The following EPHA6 variants were observed in gnomAD, a reference collection of about 807,000 sequenced individuals.
EPHA6 encodes EPH receptor A6.
EPHA6 carries 50 observed loss-of-function variants against 112.0 expected under a neutral mutation model. That is an observed-to-expected ratio of 0.45 (90% confidence interval 0.36 to 0.56). The LOEUF is 0.56. EPHA6 is among the 20% of genes least tolerant of loss of function. The pLI is 0.00. For missense variants in EPHA6, 1,280 were observed against 1,417.4 expected, an observed-to-expected ratio of 0.90 and a Z score of 1.56; for synonymous variants, 529 against 490.7, an observed-to-expected ratio of 1.08 and a Z score of -1.03.
chr3:97,539,740 T>C (rs1054206771), intron 11 of EPHA6, among the ~76,000 whole-genome samples: 3 of 152,214 alleles, frequency 2.0e-5, no homozygotes, highest in Non-Finnish European at 2.9e-5. Context: ...GATTGTGGTA[T>C]CTATAACACT....
chr3:97,339,569 T>G (rs1315566245), intron 5 of EPHA6, among the ~76,000 whole-genome samples: 1 of 152,210 alleles, frequency 6.6e-6, no homozygotes, highest in African/African-American at 2.4e-5. Context: ...CCACTTACTA[T>G]TTTGATCACC....
chr3:96,860,571 A>G (rs1484674398), intron 1 of EPHA6, among the ~76,000 whole-genome samples: 2 of 152,130 alleles, frequency 1.3e-5, no homozygotes, highest in Non-Finnish European at 2.9e-5. Context: ...AAATGTCCAA[A>G]GCCCATAAAA....
At chr3:96,852,602 CAA>C (rs562944142) in intron 1 of EPHA6, among the ~76,000 whole-genome samples, 164 of 106,066 alleles carry the variant, frequency 1.5e-3, no homozygotes, top group Middle Eastern at 9.2e-3. Context: ...GTATCTTATC[CAA>C]AAAAAAAAAA....
intron 6 of EPHA6, among the ~76,000 whole-genome samples, chr3:97,445,725 A>C (rs1293258036): frequency 6.6e-6 from 1 of 151,944 alleles, no homozygotes; most frequent in Non-Finnish European, 1.5e-5. Context: ...GAGGGGAAAA[A>C]GCCAAAAATG....
intron 5 of EPHA6, among the ~76,000 whole-genome samples, chr3:97,329,044 C>A (rs1310431741): frequency 6.6e-6 from 1 of 152,054 alleles, no homozygotes; most frequent in Non-Finnish European, 1.5e-5. Context: ...TCAACTCCCA[C>A]CTATGAGTGA....
At chr3:97,702,745 C>A (rs761093804) in intron 14 of EPHA6, among the ~76,000 whole-genome samples, 2 of 152,088 alleles carry the variant, frequency 1.3e-5, no homozygotes, top group Non-Finnish European at 2.9e-5. Context: ...CCCATGGATT[C>A]ATTGAATCAC....
chr3:97,054,340 C>A (rs1309127137), intron 3 of EPHA6, among the ~76,000 whole-genome samples: 1 of 152,052 alleles, frequency 6.6e-6, no homozygotes, highest in Non-Finnish European at 1.5e-5. Flanking sequence ...CACCAGACTG[C>A]AATTCACAAA....
chr3:97,547,660 G>A (rs2092972520), intron 11 of EPHA6, among the ~76,000 whole-genome samples: 1 of 152,230 alleles, frequency 6.6e-6, no homozygotes, highest in Non-Finnish European at 1.5e-5. Context: ...GCCCCCAGAG[G>A]TGGAGCCTAC....
intron 2 of EPHA6, among the ~76,000 whole-genome samples, chr3:96,941,337 A>G (rs199707883): frequency 2.0e-5 from 3 of 151,642 alleles, no homozygotes; most frequent in South Asian, 4.2e-4. Flanking sequence ...TTCTCGCTTC[A>G]TTTCATTCAT....
chr3:97,635,055 A>G (rs902682956), intron 13 of EPHA6, among the ~76,000 whole-genome samples: 1 of 151,886 alleles, frequency 6.6e-6, no homozygotes, highest in African/African-American at 2.4e-5. Context: ...AGTTTTACCC[A>G]TCAGAGTTTT....
chr3:97,356,494 G>A (rs769524800), intron 5 of EPHA6, among the ~76,000 whole-genome samples: 1 of 152,084 alleles, frequency 6.6e-6, no homozygotes, highest in East Asian at 1.9e-4. Flanking sequence ...TTGGTATGTT[G>A]TATTTTGTTT....
intron 3 of EPHA6, among the ~76,000 whole-genome samples, chr3:97,042,741 T>C (rs1309964858): frequency 2.0e-5 from 3 of 152,126 alleles, no homozygotes; most frequent in Non-Finnish European, 1.5e-5. Flanking sequence ...AATCTCTCAC[T>C]AGGCTATGAG....
chr3:97,104,489 T>C (rs1213622292), intron 3 of EPHA6, among the ~76,000 whole-genome samples: 1 of 152,164 alleles, frequency 6.6e-6, no homozygotes, highest in Admixed American at 6.6e-5. Context: ...ATCCCAGGGA[T>C]GAAGCCTACT....
intron 5 of EPHA6, among the ~76,000 whole-genome samples, chr3:97,260,204 G>C (rs1220442622): frequency 6.6e-6 from 1 of 152,214 alleles, no homozygotes; most frequent in Non-Finnish European, 1.5e-5. Flanking sequence ...ACAATTCCTA[G>C]TGGAGCTTTA....
At chr3:97,652,737 T>C (rs1387124781) in intron 14 of EPHA6, among the ~76,000 whole-genome samples, 2 of 151,982 alleles carry the variant, frequency 1.3e-5, no homozygotes, top group Admixed American at 6.6e-5. Flanking sequence ...TATGGCCAAG[T>C]AGGAAGATCT....
chr3:96,969,973 T>A (rs1454158951), intron 2 of EPHA6, among the ~76,000 whole-genome samples: 1 of 152,054 alleles, frequency 6.6e-6, no homozygotes, highest in African/African-American at 2.4e-5. Context: ...ATAAGAATTA[T>A]CAATTCAAAA....
chr3:97,491,018 C>G (rs1194173936), intron 10 of EPHA6, among the ~76,000 whole-genome samples: 1 of 152,186 alleles, frequency 6.6e-6, no homozygotes, highest in Non-Finnish European at 1.5e-5. Context: ...GTGGGCATCT[C>G]CAACGTGGCA....
chr3:97,717,231 CA>C (rs748817650), intron 14 of EPHA6, among the ~76,000 whole-genome samples: 1,651 of 48,794 alleles, frequency 0.034, 23 homozygotes, highest in African/African-American at 0.085. Flanking sequence ...AACTCCATCT[CA>C]AAAAAAAAAA....
At chr3:97,400,270 T>C (rs1281408872) in intron 5 of EPHA6, among the ~76,000 whole-genome samples, 3 of 151,662 alleles carry the variant, frequency 2.0e-5, no homozygotes, top group South Asian at 4.1e-4. Context: ...TGAAAATACA[T>C]AGGTTTATTT....
Sources: gnomAD v4.1 joint callset for allele counts (sites outside exome capture counted in the v4.1 genomes callset) on GRCh38, gnomAD v4.1.1 for gene constraint, MANE v1.5 for transcripts, NCBI Gene and HGNC (gene_info 2026-07-23, HGNC 2026-07-21) for gene names.